The following GNA13 variants were observed in gnomAD, a reference collection of about 807,000 sequenced individuals.
The protein encoded by GNA13 is G protein subunit alpha 13.
Under a neutral mutation model 33.5 loss-of-function variants are expected in GNA13, and 4 were observed. That is an observed-to-expected ratio of 0.12 (90% CI 0.06 to 0.27). The LOEUF is 0.27. GNA13 is among the 10% of genes least tolerant of loss of function. The pLI is 1.00. For synonymous variants in GNA13, 176 were observed against 183.8 expected (o/e 0.96, Z 0.34); for missense variants, 319 against 487.2 (o/e 0.65, Z 3.25).
rs775043719 is a variant in GNA13 at position 65,014,746 on chromosome 17, A to G, written c.645T>C (p.Asn215=). The stretch of plus-strand genomic sequence containing the variant: ...CTACATCAACCATTTTGAAAGGAAC[A>G]TTTTTTATTTCAAAGTCGTATTCAT... ...GIHEYDFEIK[N]VPFKMVDVGG... is the part of the protein sequence containing the mutation. Residue 215 remains asparagine, a synonymous_variant, in exon 4 of 4, where the codon AAT becomes AAC. Transcript: ENST00000439174. The surrounding 1 kb of genome is among the most constrained non-coding windows in gnomAD (Gnocchi z 5.3). 19 of 1,613,694 alleles carry G rather than the reference A, an allele frequency of 1.2e-5. No individual in the cohort carries two copies. The Admixed American group carries it at 3.2e-4, about 27-fold the overall frequency.
chr17:65,048,235 A>C (rs1907738301), intron 2 of GNA13, among the ~76,000 whole-genome samples: 1 of 151,532 alleles, frequency 6.6e-6, no homozygotes, highest in African/African-American at 2.4e-5. Context: ...TAAATTAAAC[A>C]AAAAAAAATA....
chr17:65,015,286 C>A (rs563405960), intron 3 of GNA13, among the ~76,000 whole-genome samples: 1 of 152,306 alleles, frequency 6.6e-6, no homozygotes, highest in East Asian at 1.9e-4. Flanking sequence ...TTACTCCCCA[C>A]TATCAGCCAC....
In GNA13 at chr17:65,014,308, G is replaced by A. The variant is rs183168548; in HGVS notation, c.1083C>T (p.Asp361=). Residue 361 remains aspartate, a synonymous_variant, in exon 4 of 4, where the codon GAC becomes GAT. Coordinates refer to ENST00000439174, the MANE Select transcript of GNA13 (RefSeq NM_006572.6). This position sits in a 1 kb window ranked among gnomAD's most constrained non-coding sequence, Gnocchi z 5.3. ...NTENIRLVFR[D]VKDTILHDNL... Reference sequence around the variant, plus strand: ...TGTCATGCAGAATAGTATCCTTCACGTCACGGAAAACAAGGCGGATGTTCT... The same window carrying A: ...TGTCATGCAGAATAGTATCCTTCACATCACGGAAAACAAGGCGGATGTTCT... 37 of 1,613,552 alleles carry A rather than the reference G, an allele frequency of 2.3e-5. No homozygotes were observed. The highest frequency in any genetic ancestry group is 2.0e-4 in the East Asian group (9 of 44,880).
At chr17:65,037,790 A>AAAAAAAAAAAAAAAAG in intron 2 of GNA13, among the ~76,000 whole-genome samples, 6 of 149,646 alleles carry the variant, frequency 4.0e-5, no homozygotes, top group Non-Finnish European at 8.9e-5. Context: ...AAAAAAAAAA[A>AAAAAAAAAAAAAAAAG]AAAAAAAAAA....
rs1241447782 is a variant in GNA13, at chr17:65,055,112, A to C, written c.283+1199T>G. 3.9e-5 allele frequency among the ~76,000 whole-genome samples: 6 copies of C among 152,090 alleles called. No homozygotes were observed. In the East Asian group the frequency reaches 1.2e-3, roughly 29 times the overall value. On this transcript the variant is annotated intron_variant, in intron 1 of 3. Coordinates refer to ENST00000439174, the MANE Select transcript of GNA13 (RefSeq NM_006572.6). ...CAGAAGTCCCTTATGTACTTCCTGA[A>C]CAAAAATCCCACTTAAAAAGACCTG...
chr17:65,045,042 C>CAAAAAA (rs1244382117), intron 2 of GNA13, among the ~76,000 whole-genome samples: 2 of 53,290 alleles, frequency 3.8e-5, no homozygotes, highest in Non-Finnish European at 7.6e-5. Flanking sequence ...GACTCCATCT[C>CAAAAAA]AAAAAAAAAA....
At chr17:65,045,055 A>AG (rs1285093857) in intron 2 of GNA13, among the ~76,000 whole-genome samples, 4 of 151,860 alleles carry the variant, frequency 2.6e-5, no homozygotes, top group Non-Finnish European at 4.4e-5. Context: ...AAAAAAAAAA[A>AG]AAAAGAAAAG....
At position 65,014,821 on chromosome 17, in the gene GNA13, A is replaced by C. The variant is rs1255655092; in HGVS notation, c.570T>G (p.Ile190Met). Residue 190 changes from isoleucine (I) to methionine (M), a missense_variant, in exon 4 of 4, where the codon ATT (isoleucine) becomes ATG (methionine). Ile to Met is a conservative substitution (Grantham distance 10, BLOSUM62 1). Around this residue, in one of 4 missense-constraint regions of GNA13, gnomAD observed 134 missense variants for 241.3 expected, o/e 0.56. Coordinates refer to ENST00000439174, the MANE Select transcript of GNA13 (RefSeq NM_006572.6). This position sits in a 1 kb window ranked among gnomAD's most constrained non-coding sequence, Gnocchi z 5.3. ...NLDKLGEPDY[I>M]PSQQDILLAR... ...CAAGCAGAATATCTTGTTGTGATGG[A>C]ATATAATCCTGGAAAAGAAAAAACT... 1 of 1,594,652 alleles carries C rather than the reference A, an allele frequency of 6.3e-7. No homozygotes were observed. Among genetic ancestry groups the C allele is most frequent in the Non-Finnish European group, 8.5e-7 (1 of 1,170,468 alleles).
At chr17:65,031,336 A>T (rs1907000211) in intron 2 of GNA13, among the ~76,000 whole-genome samples, 1 of 152,238 alleles carries the variant, frequency 6.6e-6, no homozygotes, top group Non-Finnish European at 1.5e-5. Context: ...ATCATCTTAC[A>T]GGGCCGCCAT....
At position 65,035,551 on chromosome 17, in the gene GNA13, T is replaced by TA. The variant is rs1008315622; in HGVS notation, c.511-17249dup. Among the ~76,000 whole-genome samples the TA allele has an allele frequency of 2.8e-4, 42 of 151,932 alleles. 1 individual carries two copies. The highest frequency in any genetic ancestry group is 4.1e-4 in the African/African-American group (17 of 41,358). Reference sequence around the variant, plus strand: ...CATGTATGTTTTAAAATTTTAAACTTAAAAAAAACAAGCTAATTAAGGTTC... The same window carrying TA: ...CATGTATGTTTTAAAATTTTAAACTTAAAAAAAAACAAGCTAATTAAGGTTC... On this transcript the variant is annotated intron_variant, in intron 2 of 3. Coordinates refer to ENST00000439174, the MANE Select transcript of GNA13 (RefSeq NM_006572.6).
chr17:65,014,527 C>T lies in GNA13; in HGVS notation c.864G>A (p.Leu288=), dbSNP rs1474739889. ...NRVFSNVSII[L]FLNKTDLLEE... Reference sequence around the variant, plus strand: ...CAAGCAAGTCTGTCTTGTTTAAGAACAGAATTATGGAGACATTGCTGAAAA... The same window carrying T: ...CAAGCAAGTCTGTCTTGTTTAAGAATAGAATTATGGAGACATTGCTGAAAA... The change falls in exon 4 of 4, where the codon CTG becomes CTA. Residue 288 remains leucine (L), a synonymous_variant. Transcript: ENST00000439174. The surrounding 1 kb of genome is among the most constrained non-coding windows in gnomAD (Gnocchi z 5.3). The T allele has an allele frequency of 6.2e-7, 1 of 1,613,910 alleles. No individual in the cohort carries two copies. The highest frequency in any genetic ancestry group is 1.3e-5 in the African/African-American group (1 of 74,896).
At chr17:65,046,671 A>T (rs1233196183) in intron 2 of GNA13, among the ~76,000 whole-genome samples, 1 of 152,236 alleles carries the variant, frequency 6.6e-6, no homozygotes, top group East Asian at 1.9e-4. Context: ...TCCTTTGGCC[A>T]TTATGCTTTT....
At chr17:65,026,011 A>G (rs1906768161) in intron 2 of GNA13, among the ~76,000 whole-genome samples, 1 of 152,108 alleles carries the variant, frequency 6.6e-6, no homozygotes. Context: ...AAAACAGCAG[A>G]TAAGACACAA....
chr17:65,036,737 G>A (rs908196256), intron 2 of GNA13, among the ~76,000 whole-genome samples: 3 of 152,126 alleles, frequency 2.0e-5, no homozygotes, highest in Non-Finnish European at 4.4e-5. Flanking sequence ...AATAAAACTA[G>A]CTGTGACCTT....
chr17:65,040,850 AC>A (rs1227233277), intron 2 of GNA13, among the ~76,000 whole-genome samples: 1 of 152,192 alleles, frequency 6.6e-6, no homozygotes, highest in African/African-American at 2.4e-5. Context: ...TCTAAAGTAT[AC>A]CCCCGTACAT....
At chr17:65,032,865 C>A (rs1259726985) in intron 2 of GNA13, among the ~76,000 whole-genome samples, 1 of 152,054 alleles carries the variant, frequency 6.6e-6, no homozygotes, top group Non-Finnish European at 1.5e-5. Context: ...AATCCCAGCA[C>A]TTTGGGAGGC....
At chr17:65,051,441 CA>C (rs1907854889) in intron 2 of GNA13, among the ~76,000 whole-genome samples, 1 of 152,128 alleles carries the variant, frequency 6.6e-6, no homozygotes, top group Admixed American at 6.6e-5. Flanking sequence ...CATGGAGAAA[CA>C]CTGTCTCTAC....
At position 65,013,817 on chromosome 17, in the gene GNA13, G is replaced by A. The variant is rs1251025828; in HGVS notation, c.*440C>T. ...AAAATAGGAGGTCACCATAAAGTTA[G>A]GCAACAAGTGTCACTGCTATATGTA... On this transcript the variant is annotated 3_prime_UTR_variant, in exon 4 of 4. Transcript: ENST00000439174. 8 of 220,826 alleles carry A rather than the reference G, an allele frequency of 3.6e-5. No homozygotes were observed. The highest frequency in any genetic ancestry group is 6.4e-5 in the Non-Finnish European group (7 of 110,180). The allele number at this position is 220,826 out of a possible 1,614,324, so 13.7% of individuals were successfully genotyped here.
intron 2 of GNA13, among the ~76,000 whole-genome samples, chr17:65,040,608 C>T (rs1299144943): frequency 1.3e-5 from 2 of 152,058 alleles, no homozygotes; most frequent in Non-Finnish European, 2.9e-5. Context: ...TGGTTCAAGC[C>T]TCAGCCTCCC....
Sources: allele counts gnomAD v4.1 joint callset (sites outside exome capture counted in the v4.1 genomes callset), GRCh38; gene constraint gnomAD v4.1.1; regional missense constraint gnomAD v4.1.1; non-coding constraint Gnocchi (gnomAD v3.1); transcripts MANE v1.5; gene names NCBI Gene and HGNC (gene_info 2026-07-23, HGNC 2026-07-21).